TEX2: variants seen among roughly 807,000 people sequenced by gnomAD.
TEX2 encodes the protein testis-expressed protein 2.
TEX2 carries 53 observed loss-of-function variants against 106.9 expected under a neutral mutation model. That is an observed-to-expected ratio of 0.50 (90% CI 0.40 to 0.62). The LOEUF (loss-of-function observed/expected upper bound fraction) is 0.62, where lower values mean the gene tolerates loss of function less well. Among genes scored for constraint, TEX2 ranks in the 20% least tolerant of loss-of-function variants. TEX2 has a pLI of 0.00. For missense variants in TEX2, 1,207 were observed against 1,379.0 expected (o/e 0.88, Z 1.98); for synonymous variants, 523 against 534.8 (o/e 0.98, Z 0.30).
At chr17:64,169,115 T>G (rs1040104906) in intron 7 of TEX2, among the ~76,000 whole-genome samples, 1 of 152,158 alleles carries the variant, frequency 6.6e-6, no homozygotes, top group Admixed American at 6.6e-5. Context: ...CTTGGCTCAT[T>G]GCAACCTCTG....
At chr17:64,253,172 C>A (rs1318159700) in intron 1 of TEX2, among the ~76,000 whole-genome samples, 4 of 152,040 alleles carry the variant, frequency 2.6e-5, no homozygotes, top group African/African-American at 9.7e-5. Context: ...GAGACAGGGT[C>A]TCTGTCACCC....
At chr17:64,193,436 TG>T in intron 4 of TEX2, 122 bp downstream of exon 4, 1 of 734,518 alleles carries the variant, frequency 1.4e-6, no homozygotes, top group Non-Finnish European at 2.1e-6. Flanking sequence ...GCACATTAGG[TG>T]GCAGACAACC....
At chr17:64,179,451 C>T (rs182190995) in intron 5 of TEX2, among the ~76,000 whole-genome samples, 13 of 152,336 alleles carry the variant, frequency 8.5e-5, no homozygotes, top group East Asian at 5.8e-4. Context: ...GGTGCCCTTA[C>T]ACAGTGTGGA....
rs534222672 is a variant in TEX2 at position 64,262,813 on chromosome 17, G to T, written c.-26+355C>A. On this transcript the variant is annotated intron_variant, in intron 1 of 11. Transcript: ENST00000584379. ...GTGAGGGGGGCGGCAGGAACCCGGG[G>T]CCCCATTCATAAAATTGCAAGCCGT... 4.6e-5 allele frequency among the ~76,000 whole-genome samples: 7 copies of T among 152,312 alleles called. No homozygotes were observed. The South Asian group carries it at 1.4e-3, about 32-fold the overall frequency.
intron 8 of TEX2, 81 bp downstream of exon 8, chr17:64,160,720 C>T: frequency 6.4e-7 from 1 of 1,551,754 alleles, no homozygotes; most frequent in Non-Finnish European, 8.8e-7. Flanking sequence ...GGCCACTACA[C>T]ATCAAATCTG....
At chr17:64,184,011 T>C (rs1044563538) in intron 5 of TEX2, among the ~76,000 whole-genome samples, 2 of 152,332 alleles carry the variant, frequency 1.3e-5, no homozygotes, top group South Asian at 2.1e-4. Context: ...CACATTTCCT[T>C]GATGACTAAT....
At chr17:64,209,429 TTAGTAATGA>T (rs2032932085) in intron 2 of TEX2, among the ~76,000 whole-genome samples, 2 of 152,178 alleles carry the variant, frequency 1.3e-5, no homozygotes, top group South Asian at 4.1e-4. Flanking sequence ...CTTTTCCTCT[TTAGTAATGA>T]AACCATTCTA....
At chr17:64,161,214 C>T (rs1485371741) in intron 7 of TEX2, among the ~76,000 whole-genome samples, 1 of 152,156 alleles carries the variant, frequency 6.6e-6, no homozygotes, top group Non-Finnish European at 1.5e-5. Flanking sequence ...AGGGTCCCAT[C>T]CTCTGGCTTC....
At chr17:64,167,461 T>G (rs1451349174) in intron 7 of TEX2, among the ~76,000 whole-genome samples, 5 of 152,170 alleles carry the variant, frequency 3.3e-5, no homozygotes, top group Admixed American at 3.3e-4. Context: ...GATGCTGTTC[T>G]AGTGCCTTTT....
intron 7 of TEX2, among the ~76,000 whole-genome samples, chr17:64,167,577 G>C (rs112558362): frequency 0.024 from 3,603 of 152,256 alleles, 69 homozygotes; most frequent in Middle Eastern, 0.041. Context: ...CCAGCACTTT[G>C]AGAGGCTGAG....
chr17:64,254,158 C>T (rs1555637384), intron 1 of TEX2, among the ~76,000 whole-genome samples: 1 of 152,210 alleles, frequency 6.6e-6, no homozygotes, highest in African/African-American at 2.4e-5. Context: ...CAGAGATTCA[C>T]TCCTCATTTC....
At position 64,195,142 on chromosome 17, in the gene TEX2, C is replaced by A; in HGVS notation, c.1645-47G>T. On this transcript the variant is annotated intron_variant, in intron 2 of 11. Transcript: ENST00000584379. The surrounding 1 kb of genome is among the most constrained non-coding windows in gnomAD (Gnocchi z 4.1). ...TAGTAATATCAGAATAATCGCAAAT[C>A]TGATTTAGTGTGAAATGATGAACAC... is the stretch of plus-strand genomic sequence containing the variant. The A allele has an allele frequency of 1.3e-6, 2 of 1,567,114 alleles. No homozygotes were observed. The highest frequency in any genetic ancestry group is 1.8e-6 in the Non-Finnish European group (2 of 1,140,212).
intron 1 of TEX2, among the ~76,000 whole-genome samples, chr17:64,235,400 GTTCCA>G (rs2033746420): frequency 6.6e-6 from 1 of 152,118 alleles, no homozygotes; most frequent in Non-Finnish European, 1.5e-5. Flanking sequence ...CCAAGAAAGT[GTTCCA>G]TCCACTCAGT....
Position 64,205,200 on chromosome 17 carries a change from C to T in TEX2, c.1644+7374G>A, listed in dbSNP as rs1398053958. 6.6e-6 allele frequency among the ~76,000 whole-genome samples: 1 copy of T among 152,098 alleles called. No homozygotes were observed. The highest frequency in any genetic ancestry group is 2.4e-5 in the African/African-American group (1 of 41,392). On this transcript the variant is annotated intron_variant, in intron 2 of 11. Transcript: ENST00000584379. The surrounding 1 kb of genome is among the most constrained non-coding windows in gnomAD (Gnocchi z 4.0). The stretch of plus-strand genomic sequence containing the variant: ...TGCATGGTGATGCGCACATGTAATC[C>T]CAGCAACTCTGGAGGCTGAGGCAGG...
At chr17:64,212,390 T>C (rs574351415) in intron 2 of TEX2, among the ~76,000 whole-genome samples, 184 bp downstream of exon 2, 16 of 152,192 alleles carry the variant, frequency 1.1e-4, no homozygotes, top group African/African-American at 3.9e-4. Context: ...TCTGCAAAGC[T>C]TGGGTTAGAA....
intron 7 of TEX2, among the ~76,000 whole-genome samples, chr17:64,166,662 T>C (rs909056055): frequency 3.3e-5 from 5 of 152,238 alleles, no homozygotes; most frequent in Non-Finnish European, 5.9e-5. Context: ...ATACCAAAAA[T>C]GTACTAAAAA....
At position 64,240,993 on chromosome 17, in the gene TEX2, A is replaced by G. The variant is rs149464130; in HGVS notation, c.-26+22175T>C. On this transcript the variant is annotated intron_variant, in intron 1 of 11. Coordinates refer to ENST00000584379, the MANE Select transcript of TEX2 (RefSeq NM_001288732.2). ...TAAAAGACTTAGAATTTTGTGACTCAGTGCTTAAAATGACATTCAGAAGAA... is the reference window on the plus strand; with the variant it reads ...TAAAAGACTTAGAATTTTGTGACTCGGTGCTTAAAATGACATTCAGAAGAA... Among the ~76,000 whole-genome samples the G allele has an allele frequency of 2.7e-3, 412 of 152,340 alleles. 6 individuals are homozygous for G. The highest frequency in any genetic ancestry group is 9.7e-3 in the African/African-American group (402 of 41,574).
At chr17:64,236,571 G>A (rs2033772607) in intron 1 of TEX2, among the ~76,000 whole-genome samples, 1 of 152,152 alleles carries the variant, frequency 6.6e-6, no homozygotes, top group Admixed American at 6.5e-5. Context: ...AAGTATATGG[G>A]AGGATGTGCA....
intron 8 of TEX2, among the ~76,000 whole-genome samples, chr17:64,158,747 G>C (rs182065618): frequency 1.3e-5 from 2 of 152,156 alleles, no homozygotes; most frequent in Non-Finnish European, 2.9e-5. Flanking sequence ...CAGAAAGAAG[G>C]ACCCAGTGCT....
Sources: allele counts gnomAD v4.1 joint callset (sites outside exome capture counted in the v4.1 genomes callset), GRCh38; gene constraint gnomAD v4.1.1; non-coding constraint Gnocchi (gnomAD v3.1); transcripts MANE v1.5; gene names NCBI Gene and HGNC (gene_info 2026-07-23, HGNC 2026-07-21).